NAV3: variants seen among roughly 807,000 people sequenced by gnomAD.
NAV3 encodes pore membrane and/or filament interacting like protein 1.
NAV3 carries 87 observed loss-of-function variants against 244.7 expected under a neutral mutation model. The observed-to-expected ratio is 0.36, with a 90% confidence interval of 0.30 to 0.42. NAV3 has a LOEUF of 0.42. Ranked by LOEUF, NAV3 falls within the 20% of genes least tolerant of loss-of-function variation. NAV3 has a pLI of 1.00. For synonymous variants in NAV3, 1,126 were observed against 1,042.2 expected (o/e 1.08, Z -1.55); for missense variants, 2,663 against 2,893.3 (o/e 0.92, Z 1.83).
At chr12:78,154,455 G>C (rs546916155) in intron 22 of NAV3, among the ~76,000 whole-genome samples, 2 of 149,572 alleles carry the variant, frequency 1.3e-5, no homozygotes, top group Non-Finnish European at 3.0e-5. Flanking sequence ...AAATGTAGAC[G>C]TTATGTATAA....
intron 34 of NAV3, among the ~76,000 whole-genome samples, chr12:78,192,027 G>A (rs1374815543): frequency 1.3e-5 from 2 of 152,060 alleles, no homozygotes; most frequent in African/African-American, 4.8e-5. Context: ...TAGTTAACAT[G>A]CTAAAACAAA....
At chr12:77,580,583 T>C (rs1262801281) in intron 2 of NAV3, among the ~76,000 whole-genome samples, 1 of 152,246 alleles carries the variant, frequency 6.6e-6, no homozygotes, top group Non-Finnish European at 1.5e-5. Context: ...AAATACTTTA[T>C]GGCCATGGCA....
intron 6 of NAV3, 60 bp from the exon 7 acceptor site, chr12:77,998,277 C>G: frequency 1.5e-6 from 2 of 1,306,330 alleles, no homozygotes; most frequent in Non-Finnish European, 2.0e-6. Flanking sequence ...TTCAGCACCT[C>G]CTGCTTCTTA....
At chr12:78,042,115 A>G (rs1288131666) in intron 9 of NAV3, among the ~76,000 whole-genome samples, 1 of 152,102 alleles carries the variant, frequency 6.6e-6, no homozygotes, top group East Asian at 1.9e-4. Flanking sequence ...CATCCTCTTC[A>G]GTCCAGATTG....
At chr12:78,023,346 C>A (rs1174382548) in intron 9 of NAV3, among the ~76,000 whole-genome samples, 1 of 152,032 alleles carries the variant, frequency 6.6e-6, no homozygotes, top group East Asian at 1.9e-4. Context: ...TTTCATTTTT[C>A]CAGTTGATAT....
intron 2 of NAV3, among the ~76,000 whole-genome samples, chr12:77,768,484 G>T (rs529198505): frequency 6.6e-6 from 1 of 152,242 alleles, no homozygotes; most frequent in Non-Finnish European, 1.5e-5. Context: ...CCCAAAGACT[G>T]GAGGGGGCTG....
intron 2 of NAV3, among the ~76,000 whole-genome samples, chr12:77,602,336 G>C (rs910501097): frequency 6.6e-6 from 1 of 152,038 alleles, no homozygotes; most frequent in African/African-American, 2.4e-5. Flanking sequence ...ACAGAGATCT[G>C]AGATGGAGGA....
chr12:78,068,976 CTT>C (rs111243195), intron 12 of NAV3, among the ~76,000 whole-genome samples: 1 of 141,104 alleles, frequency 7.1e-6, no homozygotes. Context: ...GGCATGAATT[CTT>C]TTTTTTTTTT....
At chr12:77,711,068 C>T (rs540822035) in intron 2 of NAV3, among the ~76,000 whole-genome samples, 15 of 152,282 alleles carry the variant, frequency 9.9e-5, no homozygotes, top group Middle Eastern at 3.4e-3. Context: ...AAATAAATGA[C>T]GCAACCGGAA....
chr12:77,780,758 T>C (rs150237157), intron 2 of NAV3, among the ~76,000 whole-genome samples: 31 of 152,284 alleles, frequency 2.0e-4, no homozygotes, highest in African/African-American at 7.0e-4. Flanking sequence ...AAGTGATCAG[T>C]AAAAGCTTTA....
At chr12:77,933,906 C>A (rs900363718) in intron 1 of NAV3, among the ~76,000 whole-genome samples, 3 of 152,142 alleles carry the variant, frequency 2.0e-5, no homozygotes, top group Non-Finnish European at 4.4e-5. Flanking sequence ...TCCAATGTTG[C>A]CTACCATTTT....
intron 24 of NAV3, among the ~76,000 whole-genome samples, chr12:78,171,239 C>G (rs1345058176): frequency 6.6e-6 from 1 of 151,604 alleles, no homozygotes; most frequent in African/African-American, 2.4e-5. Context: ...TAAAGCTTAT[C>G]TTAGAGCTAT....
At chr12:77,806,178 T>C (rs1247442147) in intron 2 of NAV3, among the ~76,000 whole-genome samples, 2 of 152,210 alleles carry the variant, frequency 1.3e-5, no homozygotes, top group Non-Finnish European at 2.9e-5. Flanking sequence ...AGTTCTGCTC[T>C]GATCTTCGTT....
intron 2 of NAV3, among the ~76,000 whole-genome samples, chr12:77,747,652 G>T (rs534372917): frequency 6.6e-6 from 1 of 152,176 alleles, no homozygotes; most frequent in Non-Finnish European, 1.5e-5. Context: ...ATCAATGATA[G>T]ACTGGATTAA....
At chr12:77,967,288 C>G (rs887561032) in intron 4 of NAV3, among the ~76,000 whole-genome samples, 1 of 151,892 alleles carries the variant, frequency 6.6e-6, no homozygotes, top group Non-Finnish European at 1.5e-5. Flanking sequence ...GTTAAACATG[C>G]AAAATAATAA....
intron 2 of NAV3, among the ~76,000 whole-genome samples, chr12:77,716,415 A>G (rs1592611954): frequency 6.6e-6 from 1 of 151,932 alleles, no homozygotes; most frequent in East Asian, 1.9e-4. Context: ...TTAAAAATAA[A>G]TGGTACAAGT....
At position 78,118,317 on chromosome 12, in the gene NAV3, G is replaced by T. The variant is rs749183927; in HGVS notation, c.3040+20G>T. The stretch of plus-strand genomic sequence containing the variant: ...CACCCGGTAGGCTTGTCGTTTGCCA[G>T]CTGTTATGCAAAAGTGCTTTACTTT... On this transcript the variant is annotated intron_variant, in intron 14 of 39. Coordinates refer to ENST00000397909, the MANE Select transcript of NAV3 (RefSeq NM_001024383.2). The T allele has an allele frequency of 1.3e-6, 2 of 1,575,716 alleles. No homozygotes were observed. Among genetic ancestry groups the T allele is most frequent in the Non-Finnish European group, 1.7e-6 (2 of 1,158,632 alleles).
At chr12:78,143,516 A>G in intron 20 of NAV3, 5 of 291,770 alleles carry the variant, frequency 1.7e-5, no homozygotes, top group South Asian at 1.3e-4. Flanking sequence ...CTGTAATCCC[A>G]GCTATTTGGG....
intron 2 of NAV3, among the ~76,000 whole-genome samples, chr12:77,821,978 G>A (rs1386962894): frequency 2.0e-5 from 3 of 152,056 alleles, no homozygotes; most frequent in Non-Finnish European, 4.4e-5. Context: ...AATATCCAAT[G>A]ATTTTGTTTT....
Sources: allele counts gnomAD v4.1 joint callset (sites outside exome capture counted in the v4.1 genomes callset), GRCh38; gene constraint gnomAD v4.1.1; transcripts MANE v1.5; gene names NCBI Gene and HGNC (gene_info 2026-07-23, HGNC 2026-07-21).